The following MICALL2 variants were observed in gnomAD, a reference collection of about 807,000 sequenced individuals.
The protein encoded by MICALL2 is MICAL-like protein 2.
A neutral mutation model predicts 91.1 loss-of-function variants in MICALL2; 111 were observed. That is an observed-to-expected ratio of 1.22 (90% confidence interval 1.04 to 1.43). The LOEUF (loss-of-function observed/expected upper bound fraction) is 1.43, where lower values mean the gene tolerates loss of function less well. MICALL2 is among the 40% of genes most tolerant of loss of function. The pLI is 0.00. For synonymous variants in MICALL2, 694 were observed against 525.3 expected, an observed-to-expected ratio of 1.32 and a Z score of -4.39; for missense variants, 1,556 against 1,236.0, an observed-to-expected ratio of 1.26 and a Z score of -3.88.
chr7:1,437,615 C>T lies in MICALL2; in HGVS notation c.2403-7G>A, dbSNP rs1034084176. ...CAGACGCTGGGCCTTGGACCTGCCGCACAGACACGCGTCTGAGGCCTGACT... is the reference window on the plus strand; with the variant it reads ...CAGACGCTGGGCCTTGGACCTGCCGTACAGACACGCGTCTGAGGCCTGACT... On this transcript the variant is annotated splice_polypyrimidine_tract_variant and splice_region_variant and intron_variant, in intron 13 of 16. Coordinates refer to ENST00000297508, the MANE Select transcript of MICALL2 (RefSeq NM_182924.4). 3.9e-6 allele frequency: 6 copies of T among 1,539,288 alleles called. No individual in the cohort carries two copies. The highest frequency in any genetic ancestry group is 2.7e-5 in the African/African-American group (2 of 73,084).
At position 1,459,445 on chromosome 7, in the gene MICALL2, G is replaced by A. The variant is rs1275096277; in HGVS notation, c.-119C>T. 7.0e-6 allele frequency: 7 copies of A among 995,996 alleles called. No homozygotes were observed. The highest frequency in any genetic ancestry group is 3.4e-5 in the East Asian group (1 of 29,574). 61.7% of individuals were successfully genotyped at this position (995,996 alleles called of 1,614,324 possible). A position where few individuals can be genotyped will look rare whatever the true frequency, so the allele number is the denominator to read the frequency against. On this transcript the variant is annotated 5_prime_UTR_variant, in exon 1 of 17. Transcript: ENST00000297508. ...CCGCTACGGAACCGCCAGACCCACG[G>A]CGCCCAGCCCCAGCTGAGCCGGACT... is the stretch of plus-strand genomic sequence containing the variant.
intron 3 of MICALL2, among the ~76,000 whole-genome samples, chr7:1,448,262 A>C (rs1780683146): frequency 6.6e-6 from 1 of 152,248 alleles, no homozygotes; most frequent in African/African-American, 2.4e-5. Flanking sequence ...TGGGCACAGA[A>C]GCTCAGGGGT....
chr7:1,450,146 C>G, intron 2 of MICALL2, 94 bp downstream of exon 2: 4 of 944,564 alleles, frequency 4.2e-6, no homozygotes, highest in Non-Finnish European at 5.1e-6. Context: ...AAGGCAGGTG[C>G]AGGGCCTGGG....
intron 14 of MICALL2, chr7:1,437,303 A>C: frequency 2.0e-6 from 1 of 502,320 alleles, no homozygotes. Context: ...GGGTGCTACA[A>C]GCATCCTCAC....
intron 5 of MICALL2, 132 bp downstream of exon 5, chr7:1,446,581 G>GGAGGGGA (rs1161847880): frequency 6.1e-5 from 37 of 611,546 alleles, no homozygotes; most frequent in South Asian, 1.2e-4. Flanking sequence ...GGAGGGGGGA[G>GGAGGGGA]GAGGGGAGAG....
chr7:1,441,443 A>T (rs1328124876), intron 7 of MICALL2: 2 of 153,042 alleles, frequency 1.3e-5, no homozygotes, highest in Non-Finnish European at 2.9e-5. Flanking sequence ...CAGGGGGCTA[A>T]CCCCTGGTGG....
At chr7:1,440,752 C>CACAGCCACCCT in intron 7 of MICALL2, 68 bp from the exon 8 acceptor site, 3 of 1,343,968 alleles carry the variant, frequency 2.2e-6, no homozygotes, top group Non-Finnish European at 3.2e-6. Context: ...GCAAGGGTGG[C>CACAGCCACCCT]TGTGCCTCCC....
chr7:1,444,527 G>A lies in MICALL2; in HGVS notation c.1418+125C>T, dbSNP rs1230560523. 7 of 926,486 alleles carry A rather than the reference G, an allele frequency of 7.6e-6. 1 individual carries two copies. In the South Asian group the frequency reaches 1.0e-4, roughly 14 times the overall value. 57.4% of individuals were successfully genotyped at this position (926,486 alleles called of 1,614,324 possible). A position where few individuals can be genotyped will look rare whatever the true frequency, so the allele number is the denominator to read the frequency against. On this transcript the variant is annotated intron_variant, in intron 6 of 16. Coordinates refer to ENST00000297508, the MANE Select transcript of MICALL2 (RefSeq NM_182924.4). ...CCCCAGAGAAGGAAACAGGCTGGGG[G>A]AAGTGCAGTCCCCAAGGCCACACAG...
rs1780345846 is a variant in MICALL2 at position 1,442,467 on chromosome 7, G to A, written c.1436C>T (p.Ala479Val). The change falls in exon 7 of 17, where the codon GCC (alanine) becomes GTC (valine). Residue 479 changes from alanine (A) to valine (V), a missense_variant. Coordinates refer to ENST00000297508, the MANE Select transcript of MICALL2 (RefSeq NM_182924.4). ...TTTGGGCTGAGAACTGGGAACAGCGGCAGTGGCTGGGGAGGGCCTATAAGT... is the reference window on the plus strand; with the variant it reads ...TTTGGGCTGAGAACTGGGAACAGCGACAGTGGCTGGGGAGGGCCTATAAGT... Reference protein sequence around the residue: ...PAPGRPSPATAAVPSSQPKTE... With the variant: ...PAPGRPSPATVAVPSSQPKTE... 2 of 1,534,534 alleles carry A rather than the reference G, an allele frequency of 1.3e-6. No homozygotes were observed. The highest frequency in any genetic ancestry group is 1.8e-6 in the Non-Finnish European group (2 of 1,139,486).
rs746901894 is a variant in MICALL2 at position 1,439,978 on chromosome 7, G to C, written c.1913C>G (p.Pro638Arg). The change falls in exon 9 of 17, where the codon CCC (proline) becomes CGC (arginine). Residue 638 changes from proline to arginine, a missense_variant. Physicochemically the swap from Pro to Arg is moderately radical, Grantham distance 103. Transcript: ENST00000297508. ...GCGTGGGGTCCTGTCAGGCCTCACG[G>C]GGGTCAGGGTGATGTGGACACTCCC... Reference protein sequence around the residue: ...FAGSVHITLTPVRPDRTPRPA... With the variant: ...FAGSVHITLTRVRPDRTPRPA... 3 of 1,524,124 alleles carry C rather than the reference G, an allele frequency of 2.0e-6. No homozygotes were observed. Among genetic ancestry groups the C allele is most frequent in the East Asian group, 5.2e-5 (2 of 38,778 alleles). 94.4% of individuals were successfully genotyped at this position (1,524,124 alleles called of 1,614,324 possible).
intron 2 of MICALL2, 33 bp downstream of exon 2, chr7:1,450,207 G>C (rs1425608342): frequency 6.2e-7 from 1 of 1,603,002 alleles, no homozygotes; most frequent in African/African-American, 1.3e-5. Context: ...GGCTGGCTAA[G>C]CCAGCTGTGA....
At chr7:1,437,460 G>A (rs553980047) in intron 14 of MICALL2, 75 bp downstream of exon 14, 48 of 1,352,890 alleles carry the variant, frequency 3.5e-5, no homozygotes, top group Non-Finnish European at 4.7e-5. Flanking sequence ...TGGCCTCACA[G>A]AGCCGGCCCC....
At position 1,438,451 on chromosome 7, in the gene MICALL2, C is replaced by T. The variant is rs1780094147; in HGVS notation, c.2123-98G>A. ...GGAGCCTGACCTCAGCACAGCACAG[C>T]TGGCCCCAGCCCTGCCTCCCTAATG... On this transcript the variant is annotated intron_variant, in intron 10 of 16. Coordinates refer to ENST00000297508, the MANE Select transcript of MICALL2 (RefSeq NM_182924.4). The T allele has an allele frequency of 1.2e-5, 18 of 1,510,708 alleles. No homozygotes were observed. The Admixed American group carries it at 3.5e-4, about 29-fold the overall frequency. 93.6% of individuals were successfully genotyped at this position (1,510,708 alleles called of 1,614,324 possible).
chr7:1,439,118 G>A (rs530404749), intron 9 of MICALL2, 123 bp from the exon 10 acceptor site: 39 of 760,286 alleles, frequency 5.1e-5, no homozygotes, highest in Middle Eastern at 7.7e-4. Flanking sequence ...TGGGCCTCCC[G>A]ACTGGCACAG....
intron 15 of MICALL2, among the ~76,000 whole-genome samples, chr7:1,435,769 C>G (rs1779937098): frequency 6.6e-6 from 1 of 152,146 alleles, no homozygotes; most frequent in Non-Finnish European, 1.5e-5. Flanking sequence ...AAAACTAAGA[C>G]TTTGGCCGGG....
At position 1,446,828 on chromosome 7, in the gene MICALL2, C is replaced by G. The variant is rs555439117; in HGVS notation, c.526G>C (p.Asp176His). 31 of 1,581,082 alleles carry G rather than the reference C, an allele frequency of 2.0e-5. No individual in the cohort carries two copies. In the South Asian group the frequency reaches 3.5e-4, roughly 18 times the overall value. The change falls in exon 5 of 17, where the codon GAC (aspartate) becomes CAC (histidine). Residue 176 changes from aspartate (D) to histidine (H), a missense_variant and splice_region_variant. Physicochemically the swap from Asp to His is moderately conservative, Grantham distance 81 (BLOSUM62 -1). Transcript: ENST00000297508. ...ACCAAGCTGCCCGCCAATGCCTGGTCCTGGGGAAGATGCCAGCACCTCTCT... is the reference window on the plus strand; with the variant it reads ...ACCAAGCTGCCCGCCAATGCCTGGTGCTGGGGAAGATGCCAGCACCTCTCT... ...EGAGGPPPKT[D>H]QALAGSLVSS...
Position 1,437,571 on chromosome 7 carries a change from TG to T in MICALL2, c.2439del (p.Asp813GlufsTer16). 1 of 1,535,738 alleles carries T rather than the reference TG, an allele frequency of 6.5e-7. No homozygotes were observed. The highest frequency in any genetic ancestry group is 8.7e-7 in the Non-Finnish European group (1 of 1,145,558). ...ATGAGCCGGCGCAGCTCGCCCTCGATGTCCAGCTGCTGCTCCTCCAGACGCT... is the reference window on the plus strand; with the variant it reads ...ATGAGCCGGCGCAGCTCGCCCTCGATTCCAGCTGCTGCTCCTCCAGACGCT... ...KAQRLEEQQLDIEGELRRLMA... is the reference protein window; with the variant it reads ...KAQRLEEQQLXIEGELRRLMA... On this transcript the variant is annotated frameshift_variant, in exon 14 of 17. Transcript: ENST00000297508. LOFTEE classifies it high-confidence loss of function.
At chr7:1,436,637 C>G in intron 15 of MICALL2, 105 bp downstream of exon 15, 1 of 748,472 alleles carries the variant, frequency 1.3e-6, no homozygotes. Context: ...TAGACAATAA[C>G]CGCCTGGTCA....
rs1393086830 is a variant in MICALL2, at chr7:1,452,506, C to T, written c.144-2218G>A. 1.3e-5 allele frequency among the ~76,000 whole-genome samples: 2 copies of T among 152,192 alleles called. No individual in the cohort carries two copies. Among genetic ancestry groups the T allele is most frequent in the African/African-American group, 4.8e-5 (2 of 41,452 alleles). On this transcript the variant is annotated intron_variant, in intron 1 of 16. Transcript: ENST00000297508. This position sits in a 1 kb window ranked among gnomAD's most constrained non-coding sequence, Gnocchi z 6.2. ...GGGTCACTGACCAAAGCGGCCATGTCCCCGGAAAGAATGCCCGGACGGCCG... is the reference window on the plus strand; with the variant it reads ...GGGTCACTGACCAAAGCGGCCATGTTCCCGGAAAGAATGCCCGGACGGCCG...
Sources: gnomAD v4.1 joint callset for allele counts (sites outside exome capture counted in the v4.1 genomes callset) on GRCh38, gnomAD v4.1.1 for gene constraint, Gnocchi (gnomAD v3.1) non-coding constraint, MANE v1.5 for transcripts, NCBI Gene and HGNC (gene_info 2026-07-23, HGNC 2026-07-21) for gene names.